Variants in LAMTOR5 observed in about 807,000 individuals in gnomAD.
LAMTOR5 encodes the protein late endosomal/lysosomal adaptor, MAPK and MTOR activator 5, also known as ragulator complex protein LAMTOR5.
LAMTOR5 carries 8 observed loss-of-function variants against 12.1 expected under a neutral mutation model. The ratio of observed to expected loss-of-function variants is 0.66; its 90% CI spans 0.39 to 1.19. The LOEUF (loss-of-function observed/expected upper bound fraction) is 1.19, where lower values mean the gene tolerates loss of function less well. Ranked by LOEUF, LAMTOR5 falls within the 50% of genes most tolerant of loss-of-function variation. The pLI is 0.01. For missense variants in LAMTOR5, 110 were observed against 112.8 expected (o/e 0.97, Z 0.11); for synonymous variants, 37 against 41.9 (o/e 0.88, Z 0.45).
chr1:110,407,127 T>C, intron 1 of LAMTOR5: 1 of 638,890 alleles, frequency 1.6e-6, no homozygotes, highest in Non-Finnish European at 2.8e-6. Flanking sequence ...TTTACATAGA[T>C]ACTGCTTGTT....
At chr1:110,407,107 A>G in intron 1 of LAMTOR5, 5 of 655,884 alleles carry the variant, frequency 7.6e-6, no homozygotes, top group Middle Eastern at 4.8e-4. Flanking sequence ...ACACTTTTCC[A>G]GTTTTGAATT....
chr1:110,404,045 T>G lies in LAMTOR5; in HGVS notation c.98-9A>C, dbSNP rs778243046. ...TGACAGGGTCCCGCGGCCTGGAAAA[T>G]AGAGATGATATATGTCACCTGATTG... is the stretch of plus-strand genomic sequence containing the variant. On this transcript the variant is annotated splice_polypyrimidine_tract_variant and intron_variant, in intron 2 of 3. Transcript: ENST00000602318. The G allele has an allele frequency of 3.1e-6, 5 of 1,613,096 alleles. No individual in the cohort carries two copies. In the East Asian group the frequency reaches 6.7e-5, roughly 22 times the overall value.
chr1:110,404,929 T>TAGCG (rs1663298548), intron 2 of LAMTOR5, among the ~76,000 whole-genome samples: 1 of 151,116 alleles, frequency 6.6e-6, no homozygotes, highest in Non-Finnish European at 1.5e-5. Flanking sequence ...GCGCCTGTAA[T>TAGCG]CCCAGCTACT....
intron 1 of LAMTOR5, chr1:110,407,310 G>C: frequency 6.8e-6 from 4 of 589,592 alleles, no homozygotes; most frequent in Non-Finnish European, 1.2e-5. Flanking sequence ...TGACCGTAAA[G>C]ACGATTTCAA....
chr1:110,406,879 C>T lies in LAMTOR5; in HGVS notation c.36-500G>A, dbSNP rs369646257. The T allele has an allele frequency of 3.2e-3, 1,414 of 440,968 alleles. 74 individuals are homozygous for T. The South Asian group carries it at 0.07, about 22-fold the overall frequency. The allele number at this position is 440,968 out of a possible 1,614,324, so 27.3% of individuals were successfully genotyped here. A position where few individuals can be genotyped will look rare whatever the true frequency, so the allele number is the denominator to read the frequency against. ...TTAATTAATTGAAATAAACCAGTTT[C>T]TCTCTGATGAGAGAAAAAAATGTGC... On this transcript the variant is annotated intron_variant, in intron 1 of 3. Coordinates refer to ENST00000602318, the MANE Select transcript of LAMTOR5 (RefSeq NM_001382293.1).
Position 110,407,667 on chromosome 1 carries a change from C to T in LAMTOR5, c.-47G>A, listed in dbSNP as rs1291095061. On this transcript the variant is annotated 5_prime_UTR_variant, in exon 1 of 4. Coordinates refer to ENST00000602318, the MANE Select transcript of LAMTOR5 (RefSeq NM_001382293.1). ...CTCAGAACCCAGCGGCACGGCACGTCCTTCTCCACCACAGGCCTCAGTCAC... is the reference window on the plus strand; with the variant it reads ...CTCAGAACCCAGCGGCACGGCACGTTCTTCTCCACCACAGGCCTCAGTCAC... 3 of 1,614,242 alleles carry T rather than the reference C, an allele frequency of 1.9e-6. No homozygotes were observed. Among genetic ancestry groups the T allele is most frequent in the South Asian group, 2.2e-5 (2 of 91,088 alleles).
At chr1:110,403,747 G>C in intron 3 of LAMTOR5, 172 bp downstream of exon 3, 2 of 908,846 alleles carry the variant, frequency 2.2e-6, no homozygotes, top group East Asian at 6.0e-5. Context: ...TGTGGCCTGA[G>C]AGCACATTAG....
chr1:110,402,692 GGAT>G, intron 3 of LAMTOR5, among the ~76,000 whole-genome samples: 1 of 152,264 alleles, frequency 6.6e-6, no homozygotes, highest in East Asian at 1.9e-4. Flanking sequence ...TTACTGCCCT[GGAT>G]GACCTTCCAG....
intron 3 of LAMTOR5, 80 bp from the exon 4 acceptor site, chr1:110,401,663 G>A: frequency 1.4e-6 from 2 of 1,414,588 alleles, no homozygotes; most frequent in South Asian, 1.3e-5. Flanking sequence ...GTTTGCTTTA[G>A]GATACAATAT....
At chr1:110,406,252 G>C in intron 2 of LAMTOR5, 66 bp downstream of exon 2, 2 of 1,095,342 alleles carry the variant, frequency 1.8e-6, no homozygotes, top group Non-Finnish European at 2.6e-6. Context: ...ATAATAGCAC[G>C]CTAGGCTCCA....
At chr1:110,406,435 A>AT (rs1352812053) in intron 1 of LAMTOR5, 56 bp from the exon 2 acceptor site, 6 of 1,253,766 alleles carry the variant, frequency 4.8e-6, no homozygotes, top group Non-Finnish European at 5.8e-6. Context: ...AAGGATTTAA[A>AT]TAAGTACAAA....
At chr1:110,407,506 C>A in intron 1 of LAMTOR5, 80 bp downstream of exon 1, 2 of 1,524,226 alleles carry the variant, frequency 1.3e-6, no homozygotes, top group Middle Eastern at 2.3e-4. Flanking sequence ...CTGGCCGGTA[C>A]TCGCAGCTCG....
intron 2 of LAMTOR5, among the ~76,000 whole-genome samples, chr1:110,404,999 G>A (rs995606095): frequency 6.8e-6 from 1 of 147,254 alleles, no homozygotes; most frequent in African/African-American, 2.5e-5. Context: ...AGTGAGCCAA[G>A]ATCGTGCCAC....
intron 2 of LAMTOR5, 27 bp from the exon 3 acceptor site, chr1:110,404,063 C>A: frequency 6.2e-7 from 1 of 1,610,102 alleles, no homozygotes; most frequent in Non-Finnish European, 8.5e-7. Flanking sequence ...ATATATGTCA[C>A]CTGATTGCTC....
intron 3 of LAMTOR5, among the ~76,000 whole-genome samples, chr1:110,402,036 G>T (rs987358062): frequency 2.6e-5 from 4 of 152,130 alleles, no homozygotes; most frequent in Non-Finnish European, 5.9e-5. Context: ...TGGTGGTCCC[G>T]TAAGATTATA....
At chr1:110,407,710 T>G (rs567980828), upstream of LAMTOR5, 61 of 1,613,942 alleles carry the variant, frequency 3.8e-5, no homozygotes, top group Non-Finnish European at 4.9e-5. Context: ...GAGCGGGGCG[T>G]GGACCGTAAC....
chr1:110,404,920 C>T (rs556157680), intron 2 of LAMTOR5, among the ~76,000 whole-genome samples: 31 of 151,698 alleles, frequency 2.0e-4, no homozygotes, highest in Non-Finnish European at 3.8e-4. Context: ...TGGTGGCAGG[C>T]GCCTGTAATC....
At chr1:110,407,087 T>C in intron 1 of LAMTOR5, 1 of 685,254 alleles carries the variant, frequency 1.5e-6, no homozygotes, top group South Asian at 1.6e-5. Flanking sequence ...GGTGTCTCTC[T>C]GTACCCTTTA....
intron 1 of LAMTOR5, 131 bp downstream of exon 1, chr1:110,407,455 C>A (rs929285866): frequency 4.2e-6 from 5 of 1,181,284 alleles, no homozygotes; most frequent in South Asian, 2.9e-5. Context: ...TTAGCCCCCT[C>A]ATCCCGTGTC....
Sources: allele counts gnomAD v4.1 joint callset (sites outside exome capture counted in the v4.1 genomes callset), GRCh38; gene constraint gnomAD v4.1.1; transcripts MANE v1.5; gene names NCBI Gene and HGNC (gene_info 2026-07-23, HGNC 2026-07-21).